Variants in DEFB1 observed in about 807,000 individuals in gnomAD.
DEFB1 encodes defensin beta 1.
In DEFB1, 4 loss-of-function variants were observed where a neutral mutation model predicts 2.6. The observed-to-expected ratio is 1.53, with a 90% CI of 0.76 to 3.51. The LOEUF (loss-of-function observed/expected upper bound fraction) is 3.51. Ranked by LOEUF, DEFB1 falls within the 30% of genes most tolerant of loss-of-function variation. The probability of loss-of-function intolerance (pLI) is 0.01; values close to 1 mark genes in which losing one functional copy is unlikely to be tolerated. For synonymous variants in DEFB1, 56 were observed against 28.5 expected (o/e 1.96, Z -3.07); for missense variants, 162 against 76.9 (o/e 2.11, Z -4.14).
intron 1 of DEFB1, among the ~76,000 whole-genome samples, chr8:6,875,229 G>GA (rs1290892935): frequency 6.6e-6 from 1 of 152,080 alleles, no homozygotes; most frequent in Admixed American, 6.6e-5. Context: ...AAACAAGATA[G>GA]AAAGTGCAGT....
intron 1 of DEFB1, among the ~76,000 whole-genome samples, chr8:6,872,681 C>T (rs186263163): frequency 6.6e-6 from 1 of 152,320 alleles, no homozygotes; most frequent in East Asian, 1.9e-4. Flanking sequence ...GGGCCAAGGC[C>T]ACTCATTTGT....
chr8:6,870,936 C>T (rs1806289778), intron 1 of DEFB1, 110 bp from the exon 2 acceptor site: 2 of 1,245,884 alleles, frequency 1.6e-6, no homozygotes, highest in African/African-American at 3.0e-5. Flanking sequence ...AGAGTCTTCT[C>T]TTCCAAGAAA....
At chr8:6,877,120 G>A (rs888979705) in intron 1 of DEFB1, among the ~76,000 whole-genome samples, 1 of 152,172 alleles carries the variant, frequency 6.6e-6, no homozygotes, top group Non-Finnish European at 1.5e-5. Context: ...TGTGACTCGT[G>A]TGAACAAGGA....
intron 1 of DEFB1, among the ~76,000 whole-genome samples, chr8:6,873,308 G>T (rs1806391231): frequency 6.6e-6 from 1 of 152,224 alleles, no homozygotes; most frequent in African/African-American, 2.4e-5. Context: ...CTGGTTGACT[G>T]TGGTGTCACG....
intron 1 of DEFB1, 86 bp from the exon 2 acceptor site, chr8:6,870,912 C>G (rs1317457225): frequency 1.6e-5 from 22 of 1,405,502 alleles, no homozygotes; most frequent in Admixed American, 6.9e-5. Flanking sequence ...GAACAAATAA[C>G]TGCAAAACAC....
At chr8:6,876,758 A>T (rs1210323146) in intron 1 of DEFB1, among the ~76,000 whole-genome samples, 1 of 150,932 alleles carries the variant, frequency 6.6e-6, no homozygotes, top group Non-Finnish European at 1.5e-5. Flanking sequence ...AGGCGAGATC[A>T]CACCACTGCA....
At chr8:6,871,403 G>A (rs1806305097) in intron 1 of DEFB1, among the ~76,000 whole-genome samples, 1 of 151,824 alleles carries the variant, frequency 6.6e-6, no homozygotes, top group South Asian at 2.1e-4. Context: ...CCTTCTCCCA[G>A]TATCCCAGAT....
intron 1 of DEFB1, among the ~76,000 whole-genome samples, chr8:6,874,249 C>T (rs970753670): frequency 1.3e-5 from 2 of 152,038 alleles, no homozygotes; most frequent in African/African-American, 4.8e-5. Context: ...GCAGGAACAT[C>T]ACATCCTACT....
At chr8:6,872,496 A>G (rs979427283) in intron 1 of DEFB1, among the ~76,000 whole-genome samples, 2 of 152,094 alleles carry the variant, frequency 1.3e-5, no homozygotes, top group East Asian at 3.9e-4. Context: ...AAACGTTGGG[A>G]AGTCTATTGG....
intron 1 of DEFB1, 114 bp from the exon 2 acceptor site, chr8:6,870,940 C>A (rs1806289889): frequency 8.3e-7 from 1 of 1,204,832 alleles, no homozygotes; most frequent in Non-Finnish European, 1.1e-6. Flanking sequence ...TCTTCTCTTC[C>A]AAGAAATTGG....
intron 1 of DEFB1, among the ~76,000 whole-genome samples, chr8:6,871,872 G>T (rs935233494): frequency 2.0e-5 from 3 of 152,148 alleles, no homozygotes; most frequent in African/African-American, 4.8e-5. Context: ...TGTTTAAACT[G>T]CCTGGTCTGT....
At chr8:6,871,664 G>T (rs1244973249) in intron 1 of DEFB1, among the ~76,000 whole-genome samples, 2 of 152,152 alleles carry the variant, frequency 1.3e-5, no homozygotes, top group African/African-American at 2.4e-5. Flanking sequence ...GGTCATTGGG[G>T]TGTGCTCTGA....
At position 6,870,748 on chromosome 8, in the gene DEFB1, G is replaced by T. The variant is rs764548807; in HGVS notation, c.140C>A (p.Ser47Tyr). 4.8e-5 allele frequency: 77 copies of T among 1,614,244 alleles called. No individual in the cohort carries two copies. Among genetic ancestry groups the T allele is most frequent in the Non-Finnish European group, 6.4e-5 (75 of 1,180,046 alleles). The part of the protein sequence containing the change: ...CVSSGGQCLY[S>Y]ACPIFTKIQG... ...AATTTTGGTAAAGATCGGGCAGGCA[G>T]AATAGAGACATTGCCCTCCACTGCT... The change falls in exon 2 of 2, where the codon TCT becomes TAT. Residue 47 changes from serine to tyrosine, a missense_variant. Ser to Tyr is a moderately radical substitution (Grantham distance 144). Coordinates refer to ENST00000297439, the MANE Select transcript of DEFB1 (RefSeq NM_005218.4).
chr8:6,873,318 G>A (rs192807704), intron 1 of DEFB1, among the ~76,000 whole-genome samples: 194 of 152,274 alleles, frequency 1.3e-3, no homozygotes, highest in African/African-American at 4.5e-3. Flanking sequence ...GTGGTGTCAC[G>A]GTGCATAACC....
chr8:6,877,671 C>A (rs1233439842), intron 1 of DEFB1, 126 bp downstream of exon 1: 7 of 850,918 alleles, frequency 8.2e-6, no homozygotes. Context: ...GCCACTCAAC[C>A]ACGGGATGCT....
At chr8:6,874,854 C>T (rs1005104063) in intron 1 of DEFB1, among the ~76,000 whole-genome samples, 2 of 151,962 alleles carry the variant, frequency 1.3e-5, no homozygotes, top group Admixed American at 6.6e-5. Context: ...TGGTGACAGG[C>T]GCCTGTAATC....
At chr8:6,873,923 G>C (rs1004044307) in intron 1 of DEFB1, among the ~76,000 whole-genome samples, 2 of 152,120 alleles carry the variant, frequency 1.3e-5, no homozygotes, top group Non-Finnish European at 2.9e-5. Flanking sequence ...TCAGTCTAGG[G>C]GCCTTTTAAA....
intron 1 of DEFB1, among the ~76,000 whole-genome samples, chr8:6,876,217 C>T (rs1806523749): frequency 6.6e-6 from 1 of 152,170 alleles, no homozygotes; most frequent in Non-Finnish European, 1.5e-5. Context: ...TGGCTCATGG[C>T]TGTAATCCCA....
At chr8:6,874,711 G>T (rs5743461) in intron 1 of DEFB1, among the ~76,000 whole-genome samples, 1,968 of 152,304 alleles carry the variant, frequency 0.013, 47 homozygotes, top group African/African-American at 0.044. Flanking sequence ...GCTGGGCATG[G>T]TGGCTCATGG....
Sources: allele counts gnomAD v4.1 joint callset (sites outside exome capture counted in the v4.1 genomes callset), GRCh38; gene constraint gnomAD v4.1.1; transcripts MANE v1.5; gene names NCBI Gene and HGNC (gene_info 2026-07-23, HGNC 2026-07-21).